The following NAALADL2 variants were observed in gnomAD, a reference collection of about 807,000 sequenced individuals.
The protein encoded by NAALADL2 is inactive N-acetylated-alpha-linked acidic dipeptidase-like protein 2.
Under a neutral mutation model 87.2 loss-of-function variants are expected in NAALADL2, and 76 were observed. That is an observed-to-expected ratio of 0.87 (90% CI 0.72 to 1.05). The LOEUF is 1.05. Ranked by LOEUF, NAALADL2 falls within the 50% of genes least tolerant of loss-of-function variation. NAALADL2 has a pLI of 0.00. For missense variants in NAALADL2, 1,089 were observed against 945.8 expected, an observed-to-expected ratio of 1.15 and a Z score of -1.99; for synonymous variants, 354 against 331.0, an observed-to-expected ratio of 1.07 and a Z score of -0.75.
At chr3:175,404,216 T>G (rs774542779) in intron 5 of NAALADL2, among the ~76,000 whole-genome samples, 3 of 152,106 alleles carry the variant, frequency 2.0e-5, no homozygotes, top group Admixed American at 6.6e-5. Context: ...GGAGCCAGAA[T>G]GCCTGGATTC....
chr3:175,471,407 GAA>G (rs1461282387), intron 8 of NAALADL2, among the ~76,000 whole-genome samples: 2 of 148,308 alleles, frequency 1.3e-5, no homozygotes, highest in African/African-American at 5.0e-5. Flanking sequence ...CCCGGGAGGT[GAA>G]ACTTGCAGTG....
chr3:175,482,234 G>T (rs958529819), intron 9 of NAALADL2, among the ~76,000 whole-genome samples: 1 of 151,902 alleles, frequency 6.6e-6, no homozygotes, highest in Non-Finnish European at 1.5e-5. Context: ...TTTATATTCA[G>T]TGAATTCTTC....
chr3:174,802,823 T>A (rs1428438641), intron 3 of NAALADL2, among the ~76,000 whole-genome samples: 1 of 152,194 alleles, frequency 6.6e-6, no homozygotes, highest in Non-Finnish European at 1.5e-5. Flanking sequence ...CACCCTTTTT[T>A]ATGCCTGTAT....
intron 1 of NAALADL2, among the ~76,000 whole-genome samples, chr3:174,984,582 T>C (rs1420294865): frequency 6.6e-6 from 1 of 152,208 alleles, no homozygotes; most frequent in Admixed American, 6.5e-5. Context: ...TTTAGCTGAT[T>C]CTGATGCATG....
chr3:174,809,660 A>G (rs1719932008), intron 3 of NAALADL2, among the ~76,000 whole-genome samples: 1 of 147,066 alleles, frequency 6.8e-6, no homozygotes, highest in Admixed American at 6.8e-5. Context: ...CTTTTTTTTT[A>G]CTACATAGTA....
At chr3:175,699,002 G>T (rs928496822) in intron 11 of NAALADL2, among the ~76,000 whole-genome samples, 3 of 151,900 alleles carry the variant, frequency 2.0e-5, no homozygotes, top group Admixed American at 2.0e-4. Flanking sequence ...AAAGTGTCTG[G>T]TTCTGTAAAC....
rs75331366 is a variant in NAALADL2, at chr3:175,441,527, A to G, written c.1091-5702A>G. Among the ~76,000 whole-genome samples, 429 of 152,198 alleles carry G rather than the reference A, an allele frequency of 2.8e-3. 2 individuals carry two copies. Among genetic ancestry groups the G allele is most frequent in the African/African-American group, 8.4e-3 (347 of 41,528 alleles). ...ACCTGGGGATCTTGATAGACTATAG[A>G]TTCTGATTCAGAAGACCTGGGGTGG... On this transcript the variant is annotated intron_variant, in intron 5 of 13. Coordinates refer to ENST00000454872, the MANE Select transcript of NAALADL2 (RefSeq NM_207015.3).
intron 1 of NAALADL2, among the ~76,000 whole-genome samples, chr3:174,495,960 G>A (rs1718509641): frequency 6.6e-6 from 1 of 152,074 alleles, no homozygotes; most frequent in African/African-American, 2.4e-5. Context: ...AGCAACCTAT[G>A]GATCTGTATA....
rs544829390 is a variant in NAALADL2, at chr3:174,561,502, A to G, written c.-115+10865A>G. Among the ~76,000 whole-genome samples, 15 of 152,192 alleles carry G rather than the reference A, an allele frequency of 9.9e-5. 1 individual carries two copies. The highest frequency in any genetic ancestry group is 2.9e-4 in the African/African-American group (12 of 41,552). On this transcript the variant is annotated intron_variant, in intron 2 of 3. Transcript: ENST00000434257. ...GCCATGAGCCACCATGCCGGGCCACAGGATTCTTACTTAACTCAGGCCAGG... is the reference window on the plus strand; with the variant it reads ...GCCATGAGCCACCATGCCGGGCCACGGGATTCTTACTTAACTCAGGCCAGG...
intron 11 of NAALADL2, among the ~76,000 whole-genome samples, chr3:175,635,104 T>A (rs1301507898): frequency 6.6e-6 from 1 of 152,110 alleles, no homozygotes; most frequent in African/African-American, 2.4e-5. Context: ...CTTCATTTAC[T>A]GAAACTGGAG....
chr3:175,284,476 G>T (rs1754737532), intron 4 of NAALADL2, among the ~76,000 whole-genome samples: 1 of 151,540 alleles, frequency 6.6e-6, no homozygotes, highest in Admixed American at 6.6e-5. Flanking sequence ...TTAATGTATG[G>T]CTTAGAAGAA....
chr3:174,563,324 T>C (rs1250309926), intron 2 of NAALADL2, among the ~76,000 whole-genome samples: 3 of 151,508 alleles, frequency 2.0e-5, no homozygotes, highest in Admixed American at 6.6e-5. Flanking sequence ...AAAAGAAAAA[T>C]TTCAGGAACA....
At chr3:174,698,947 ATGTG>A (rs375672663) in intron 2 of NAALADL2, among the ~76,000 whole-genome samples, 6 of 141,844 alleles carry the variant, frequency 4.2e-5, no homozygotes, top group South Asian at 2.3e-4. Context: ...ATATATATGA[ATGTG>A]TGTGTGTGTG....
intron 1 of NAALADL2, among the ~76,000 whole-genome samples, chr3:174,866,620 A>T (rs2109575821): frequency 6.6e-6 from 1 of 151,824 alleles, no homozygotes; most frequent in Middle Eastern, 3.4e-3. Flanking sequence ...GGTGTTTTGC[A>T]TTTATTTTGG....
intron 2 of NAALADL2, among the ~76,000 whole-genome samples, chr3:175,129,114 T>C (rs868308606): frequency 0.012 from 1,885 of 152,080 alleles, 38 homozygotes; most frequent in African/African-American, 0.041. Context: ...AATTTTTTTT[T>C]TTTTATAATT....
intron 4 of NAALADL2, among the ~76,000 whole-genome samples, chr3:175,288,671 C>T (rs1244837132): frequency 6.6e-6 from 1 of 152,174 alleles, no homozygotes; most frequent in Non-Finnish European, 1.5e-5. Context: ...GAGCCAGTTG[C>T]TTAGAATCCA....
At chr3:174,452,816 G>GATGATGT (rs1715574828) in intron 1 of NAALADL2, among the ~76,000 whole-genome samples, 1 of 151,590 alleles carries the variant, frequency 6.6e-6, no homozygotes, top group Non-Finnish European at 1.5e-5. Context: ...AGGAACATCA[G>GATGATGT]CCCACAAGGA....
intron 1 of NAALADL2, among the ~76,000 whole-genome samples, chr3:174,882,774 T>C (rs1729525746): frequency 1.5e-5 from 2 of 130,060 alleles, no homozygotes. Flanking sequence ...CACACGTGTA[T>C]ATATACATAT....
At chr3:175,182,293 A>G (rs1166721463) in intron 2 of NAALADL2, among the ~76,000 whole-genome samples, 2 of 152,082 alleles carry the variant, frequency 1.3e-5, no homozygotes, top group Non-Finnish European at 2.9e-5. Context: ...TATTTTGGAT[A>G]CTAGCTCTTT....
Sources: allele counts gnomAD v4.1 joint callset (sites outside exome capture counted in the v4.1 genomes callset), GRCh38; gene constraint gnomAD v4.1.1; transcripts MANE v1.5; gene names NCBI Gene and HGNC (gene_info 2026-07-23, HGNC 2026-07-21).